Variants in KCNU1 observed in about 807,000 individuals in gnomAD.
KCNU1 encodes potassium calcium-activated channel subfamily U member 1.
In KCNU1, 93 loss-of-function variants were observed where a neutral mutation model predicts 126.8. The observed-to-expected ratio is 0.73, with a 90% CI of 0.62 to 0.87. The LOEUF (loss-of-function observed/expected upper bound fraction) is 0.87. KCNU1 is among the 40% of genes least tolerant of loss of function. KCNU1 has a pLI of 0.00. For synonymous variants in KCNU1, 523 were observed against 494.2 expected, an observed-to-expected ratio of 1.06 and a Z score of -0.77; for missense variants, 1,330 against 1,367.1, an observed-to-expected ratio of 0.97 and a Z score of 0.43.
chr8:36,849,395 C>T (rs1051418445), intron 18 of KCNU1, among the ~76,000 whole-genome samples: 2 of 152,070 alleles, frequency 1.3e-5, no homozygotes, highest in African/African-American at 4.8e-5. Context: ...TTGAGACCAG[C>T]CTGGCCAACA....
At chr8:36,812,525 G>A (rs1290069767) in intron 7 of KCNU1, among the ~76,000 whole-genome samples, 1 of 152,152 alleles carries the variant, frequency 6.6e-6, no homozygotes, top group Non-Finnish European at 1.5e-5. Flanking sequence ...TGATGGACAG[G>A]TAAGGGGAGA....
At chr8:36,917,542 G>T (rs1317156914) in intron 22 of KCNU1, among the ~76,000 whole-genome samples, 6 of 150,694 alleles carry the variant, frequency 4.0e-5, no homozygotes, top group South Asian at 4.2e-4. Flanking sequence ...TTTTTGTAGA[G>T]AACAGGTCTC....
chr8:36,805,058 C>G, intron 3 of KCNU1, 137 bp from the exon 4 acceptor site: 1 of 590,206 alleles, frequency 1.7e-6, no homozygotes, highest in Non-Finnish European at 3.0e-6. Context: ...AAGTTAATTT[C>G]CTTGAGATCT....
rs772032740 is a variant in KCNU1, at chr8:36,930,988, T to C, written c.2774T>C (p.Met925Thr). ...TATCATGTCCTGGAATTGCTTCAGA[T>C]GCTGGTGACAGGAGGAGTAAGTTCT... is the stretch of plus-strand genomic sequence containing the variant. ...YNYHVLELLQ[M>T]LVTGGVSSQL... is the part of the protein sequence containing the mutation. Residue 925 changes from methionine (M) to threonine (T), a missense_variant, in exon 25 of 27, where the codon ATG (methionine) becomes ACG (threonine). By Grantham distance (81) the Met-to-Thr change is moderately conservative (BLOSUM62 -1). This residue lies in a region of KCNU1 where 1,054 missense variants were observed against 1,053.9 expected (regional missense o/e 1.00). Transcript: ENST00000399881. 4.4e-6 allele frequency: 7 copies of C among 1,608,976 alleles called. No homozygotes were observed. The South Asian group carries it at 5.6e-5, about 13-fold the overall frequency.
At chr8:36,802,076 T>C (rs531153827) in intron 2 of KCNU1, among the ~76,000 whole-genome samples, 21 of 132,668 alleles carry the variant, frequency 1.6e-4, no homozygotes, top group Non-Finnish European at 2.3e-4. Flanking sequence ...GCCACTGCAC[T>C]GCAGCCTGGG....
chr8:36,868,419 ATTT>A (rs554153895), intron 19 of KCNU1, among the ~76,000 whole-genome samples: 1 of 151,898 alleles, frequency 6.6e-6, no homozygotes, highest in Admixed American at 6.6e-5. Flanking sequence ...TTTGTGATCC[ATTT>A]TTTTTATGCC....
At chr8:36,918,981 C>A in intron 23 of KCNU1, 84 bp downstream of exon 23, 3 of 888,050 alleles carry the variant, frequency 3.4e-6, no homozygotes, top group Non-Finnish European at 5.7e-6. Flanking sequence ...TTAGAATGCA[C>A]AATCACAGGA....
chr8:36,929,849 G>T (rs149568437), intron 24 of KCNU1, among the ~76,000 whole-genome samples: 1 of 152,174 alleles, frequency 6.6e-6, no homozygotes, highest in African/African-American at 2.4e-5. Flanking sequence ...TGGAGGTCAC[G>T]ATCTGATTTG....
intron 1 of KCNU1, among the ~76,000 whole-genome samples, chr8:36,786,114 A>G (rs1257420241): frequency 1.4e-5 from 2 of 143,480 alleles, no homozygotes; most frequent in African/African-American, 5.3e-5. Flanking sequence ...GACAAATGCA[A>G]AAAAAAAAAA....
intron 19 of KCNU1, among the ~76,000 whole-genome samples, chr8:36,877,683 G>A (rs778734426): frequency 2.6e-5 from 4 of 152,088 alleles, no homozygotes; most frequent in Non-Finnish European, 4.4e-5. Context: ...ATACTCTGGT[G>A]TGGTCTTTCC....
At chr8:36,846,927 G>T (rs78271872) in intron 18 of KCNU1, among the ~76,000 whole-genome samples, 1 of 151,908 alleles carries the variant, frequency 6.6e-6, no homozygotes, top group Admixed American at 6.6e-5. Context: ...TGAGGTTCTT[G>T]TTCTCTCCTT....
intron 18 of KCNU1, among the ~76,000 whole-genome samples, chr8:36,848,013 T>C (rs1194588010): frequency 6.6e-6 from 1 of 152,250 alleles, no homozygotes; most frequent in Non-Finnish European, 1.5e-5. Context: ...ATAGTCATTG[T>C]AACTGGAGTA....
At chr8:36,905,934 C>A in intron 20 of KCNU1, 130 bp downstream of exon 20, 2 of 552,066 alleles carry the variant, frequency 3.6e-6, no homozygotes, top group South Asian at 4.9e-5. Context: ...AAGAAAAAAA[C>A]CCACATCCCT....
In KCNU1 at chr8:36,845,658, G is replaced by A. The variant is rs1265811510; in HGVS notation, c.1782G>A (p.Lys594=). The A allele has an allele frequency of 6.2e-7, 1 of 1,603,088 alleles. No individual in the cohort carries two copies. Among genetic ancestry groups the A allele is most frequent in the Non-Finnish European group, 8.5e-7 (1 of 1,170,070 alleles). Residue 594 remains lysine (K), a synonymous_variant, in exon 17 of 27, where the codon AAG becomes AAA. Coordinates refer to ENST00000399881, the MANE Select transcript of KCNU1 (RefSeq NM_001031836.3). Reference sequence around the variant, plus strand: ...GGTTCTTTATTGCTGAAACTCCAAAGGACGTCAGAAGGTAATTTTATTATT... The same window carrying A: ...GGTTCTTTATTGCTGAAACTCCAAAAGACGTCAGAAGGTAATTTTATTATT... ...TLGFFIAETP[K]DVRRALFYCS...
chr8:36,830,975 T>A (rs1242810263), intron 10 of KCNU1, among the ~76,000 whole-genome samples: 1 of 145,120 alleles, frequency 6.9e-6, no homozygotes, highest in Admixed American at 7.3e-5. Context: ...GTTCTCATTG[T>A]TCAATTCCCA....
At chr8:36,840,876 A>G in intron 15 of KCNU1, 56 bp from the exon 16 acceptor site, 1 of 1,190,184 alleles carries the variant, frequency 8.4e-7, no homozygotes. Context: ...AGTGTTAGTT[A>G]TTTTGTTGTT....
At chr8:36,860,074 T>C (rs896930218) in intron 18 of KCNU1, among the ~76,000 whole-genome samples, 10 of 129,806 alleles carry the variant, frequency 7.7e-5, no homozygotes, top group Admixed American at 5.7e-4. Flanking sequence ...TTTTAACCCA[T>C]TACCTGATTT....
At chr8:36,882,939 T>C (rs1806542920) in intron 19 of KCNU1, among the ~76,000 whole-genome samples, 1 of 152,204 alleles carries the variant, frequency 6.6e-6, no homozygotes, top group South Asian at 2.1e-4. Context: ...GCATTTCTCT[T>C]TTTTCTTTCT....
chr8:36,850,589 T>A (rs1329110164), intron 18 of KCNU1, among the ~76,000 whole-genome samples: 1 of 152,050 alleles, frequency 6.6e-6, no homozygotes, highest in African/African-American at 2.4e-5. Context: ...CCAAAGTAAC[T>A]GGGACCACAG....
Sources: allele counts gnomAD v4.1 joint callset (sites outside exome capture counted in the v4.1 genomes callset), GRCh38; gene constraint gnomAD v4.1.1; regional missense constraint gnomAD v4.1.1; transcripts MANE v1.5; gene names NCBI Gene and HGNC (gene_info 2026-07-23, HGNC 2026-07-21).